NCKAP5L: variants seen among roughly 807,000 people sequenced by gnomAD.
NCKAP5L encodes the protein nck-associated protein 5-like.
NCKAP5L carries 54 observed loss-of-function variants against 103.2 expected under a neutral mutation model. The observed-to-expected ratio is 0.52, with a 90% CI of 0.42 to 0.66. NCKAP5L has a LOEUF of 0.66. Ranked by LOEUF, NCKAP5L falls within the 30% of genes least tolerant of loss-of-function variation. The pLI is 0.00. For missense variants in NCKAP5L, 1,733 were observed against 1,750.6 expected, an observed-to-expected ratio of 0.99 and a Z score of 0.18; for synonymous variants, 762 against 748.6, an observed-to-expected ratio of 1.02 and a Z score of -0.29.
chr12:49,793,316 G>A, intron 10 of NCKAP5L, 36 bp downstream of exon 10: 1 of 1,580,858 alleles, frequency 6.3e-7, no homozygotes, highest in Non-Finnish European at 8.6e-7. Context: ...TAGGGGGGTG[G>A]GGGCAGGCCC....
At chr12:49,801,702 T>G (rs926020891) in intron 6 of NCKAP5L, 146 bp downstream of exon 6, 3 of 963,012 alleles carry the variant, frequency 3.1e-6, no homozygotes, top group Non-Finnish European at 3.1e-6. Context: ...CCCAGGGGAC[T>G]TGGGTAGTTT....
chr12:49,813,482 T>C (rs917838821), intron 1 of NCKAP5L, among the ~76,000 whole-genome samples: 1 of 152,160 alleles, frequency 6.6e-6, no homozygotes, highest in African/African-American at 2.4e-5. Context: ...ATTTTTAAAT[T>C]GGGGATTGTG....
chr12:49,814,277 G>C (rs1038201337), intron 1 of NCKAP5L, among the ~76,000 whole-genome samples: 6 of 150,644 alleles, frequency 4.0e-5, no homozygotes, highest in Admixed American at 4.0e-4. Context: ...GAGGTCAGAA[G>C]TTCGAGACCA....
chr12:49,813,975 G>A (rs989297802), intron 1 of NCKAP5L, among the ~76,000 whole-genome samples: 15 of 151,892 alleles, frequency 9.9e-5, no homozygotes, highest in African/African-American at 3.6e-4. Context: ...ACCACAGCTG[G>A]CTAATTTTAA....
intron 1 of NCKAP5L, among the ~76,000 whole-genome samples, chr12:49,814,165 TA>T (rs1946271925): frequency 1.6e-5 from 1 of 63,948 alleles, no homozygotes; most frequent in Admixed American, 1.2e-4. Context: ...TATATTTATA[TA>T]TATATATATA....
In NCKAP5L at chr12:49,797,134, G is replaced by A; in HGVS notation, c.726C>T (p.Pro242=). ...PPQPEPSPWA[P]CLLLGPGNLG... is the part of the protein sequence containing the mutation. ...GGTTGCCAGGGCCTAGCAGCAGGCA[G>A]GGCGCCCAGGGTGAGGGTTCAGGCT... is the stretch of plus-strand genomic sequence containing the variant. Residue 242 remains proline, a synonymous_variant, in exon 8 of 13, where the codon CCC becomes CCT. Transcript: ENST00000335999. This position sits in a 1 kb window ranked among gnomAD's most constrained non-coding sequence, Gnocchi z 4.5. The A allele has an allele frequency of 6.2e-7, 1 of 1,604,558 alleles. No individual in the cohort carries two copies. The highest frequency in any genetic ancestry group is 8.5e-7 in the Non-Finnish European group (1 of 1,175,992).
rs555201382 is a variant in NCKAP5L, at chr12:49,794,636, A to G, written c.3095+129T>C. The G allele has an allele frequency of 6.3e-4, 385 of 611,738 alleles. 4 individuals are homozygous for G. The African/African-American group carries it at 7.1e-3, about 11-fold the overall frequency. The allele number at this position is 611,738 out of a possible 1,614,324, so 37.9% of individuals were successfully genotyped here. A position where few individuals can be genotyped will look rare whatever the true frequency, so the allele number is the denominator to read the frequency against. On this transcript the variant is annotated intron_variant, in intron 8 of 12. Coordinates refer to ENST00000335999, the MANE Select transcript of NCKAP5L (RefSeq NM_001037806.4). ...CCACCAGCTGCTTTGGTGGCCTTCT[A>G]TCCCTTTTGACCTCTGGGAAGCCCC... is the stretch of plus-strand genomic sequence containing the variant.
At chr12:49,800,566 G>A (rs889360953) in intron 6 of NCKAP5L, among the ~76,000 whole-genome samples, 1 of 152,200 alleles carries the variant, frequency 6.6e-6, no homozygotes, top group Admixed American at 6.5e-5. Context: ...GGCCAAGCGC[G>A]ACACATCATC....
intron 6 of NCKAP5L, among the ~76,000 whole-genome samples, chr12:49,798,850 G>A (rs1337731853): frequency 2.0e-5 from 3 of 152,184 alleles, no homozygotes; most frequent in African/African-American, 4.8e-5. Flanking sequence ...CCTGGGATCT[G>A]AGGATCATAG....
At chr12:49,820,829 C>T (rs1946353236) in intron 1 of NCKAP5L, among the ~76,000 whole-genome samples, 1 of 152,200 alleles carries the variant, frequency 6.6e-6, no homozygotes, top group Admixed American at 6.5e-5. Context: ...TGATCACAAA[C>T]AGGAGTCAGG....
intron 6 of NCKAP5L, among the ~76,000 whole-genome samples, chr12:49,798,989 C>G (rs1946089979): frequency 1.3e-5 from 2 of 152,190 alleles, no homozygotes; most frequent in African/African-American, 4.8e-5. Context: ...AGGATTTAAT[C>G]ATTCTCAGTC....
chr12:49,817,357 C>CA (rs1240784972), intron 1 of NCKAP5L, among the ~76,000 whole-genome samples: 1 of 152,080 alleles, frequency 6.6e-6, no homozygotes, highest in African/African-American at 2.4e-5. Flanking sequence ...ATACATCTCA[C>CA]AAAAGAATTA....
Position 49,794,765 on chromosome 12 carries a change from C to G in NCKAP5L, c.3095G>C (p.Arg1032Thr). ...CTGTTGACTGATCCCAGGACCTCACCTGTTTAGCAGCTGCTGCATGAAGGT... is the reference window on the plus strand; with the variant it reads ...CTGTTGACTGATCCCAGGACCTCACGTGTTTAGCAGCTGCTGCATGAAGGT... ...ADTFMQQLLN[R>T]VDGKELPSKS... The change falls in exon 8 of 13, where the codon AGG becomes ACG. Residue 1032 changes from arginine (R) to threonine (T), a missense_variant and splice_region_variant. By Grantham distance (71) the Arg-to-Thr change is moderately conservative. Coordinates refer to ENST00000335999, the MANE Select transcript of NCKAP5L (RefSeq NM_001037806.4). 1 of 1,503,212 alleles carries G rather than the reference C, an allele frequency of 6.7e-7. No homozygotes were observed. The allele number at this position is 1,503,212 out of a possible 1,614,324, so 93.1% of individuals were successfully genotyped here. A position where few individuals can be genotyped will look rare whatever the true frequency, so the allele number is the denominator to read the frequency against.
At chr12:49,816,280 C>G (rs1398435319) in intron 1 of NCKAP5L, among the ~76,000 whole-genome samples, 1 of 152,028 alleles carries the variant, frequency 6.6e-6, no homozygotes, top group Non-Finnish European at 1.5e-5. Flanking sequence ...CCACCCTGCC[C>G]CCTGCAGAAC....
In NCKAP5L at chr12:49,792,190, A is replaced by C; in HGVS notation, c.3793-139T>G. 8.7e-6 allele frequency: 9 copies of C among 1,039,798 alleles called. No individual in the cohort carries two copies. Among genetic ancestry groups the C allele is most frequent in the South Asian group, 2.9e-5 (2 of 68,138 alleles). The allele number at this position is 1,039,798 out of a possible 1,614,324, so 64.4% of individuals were successfully genotyped here. A position where few individuals can be genotyped will look rare whatever the true frequency, so the allele number is the denominator to read the frequency against. On this transcript the variant is annotated intron_variant, in intron 12 of 12. Transcript: ENST00000335999. The surrounding 1 kb of genome is among the most constrained non-coding windows in gnomAD (Gnocchi z 4.5). ...GGGCCCAAGGTGGGGTATACTTCAGAGGAAACAGGCTGGAGGTACAACTGA... is the reference window on the plus strand; with the variant it reads ...GGGCCCAAGGTGGGGTATACTTCAGCGGAAACAGGCTGGAGGTACAACTGA...
chr12:49,794,301 C>G (rs1263705407), intron 8 of NCKAP5L, among the ~76,000 whole-genome samples: 1 of 152,236 alleles, frequency 6.6e-6, no homozygotes, highest in Admixed American at 6.5e-5. Flanking sequence ...TTCCTGCAGA[C>G]TTTCTGCCTC....
rs1190272463 is a variant in NCKAP5L at position 49,797,038 on chromosome 12, C to G, written c.822G>C (p.Trp274Cys). The G allele has an allele frequency of 6.4e-7, 1 of 1,572,196 alleles. No individual in the cohort carries two copies. The highest frequency in any genetic ancestry group is 2.4e-5 in the East Asian group (1 of 42,486). The change falls in exon 8 of 13, where the codon TGG becomes TGC. Residue 274 changes from tryptophan to cysteine, a missense_variant. Coordinates refer to ENST00000335999, the MANE Select transcript of NCKAP5L (RefSeq NM_001037806.4). This position sits in a 1 kb window ranked among gnomAD's most constrained non-coding sequence, Gnocchi z 4.5. ...LGGEEDTGRP[W>C]GPSRGPPQAQ... ...CCTGAGGAGGTCCCCTGCTAGGACC[C>G]CAGGGCCGCCCAGTGTCCTCTTCCC...
At chr12:49,808,803 G>C (rs893231768) in intron 1 of NCKAP5L, among the ~76,000 whole-genome samples, 5 of 152,192 alleles carry the variant, frequency 3.3e-5, no homozygotes, top group Non-Finnish European at 7.4e-5. Context: ...TCGGGTTTTT[G>C]GAATGGCTCT....
chr12:49,802,611 T>C (rs729281), intron 5 of NCKAP5L: 143,155 of 294,690 alleles, frequency 0.49, 37,619 homozygotes, highest in African/African-American at 0.7. Flanking sequence ...GCCTTGGAGT[T>C]AAAGTGGCCC....
Sources: gnomAD v4.1 joint callset for allele counts (sites outside exome capture counted in the v4.1 genomes callset) on GRCh38, gnomAD v4.1.1 for gene constraint, Gnocchi (gnomAD v3.1) non-coding constraint, MANE v1.5 for transcripts, NCBI Gene and HGNC (gene_info 2026-07-23, HGNC 2026-07-21) for gene names.